The following NALF1 variants were observed in gnomAD, a reference collection of about 807,000 sequenced individuals.
NALF1 encodes the protein family with sequence similarity 155 member A.
In NALF1, 3 loss-of-function variants were observed where a neutral mutation model predicts 48.4. That is an observed-to-expected ratio of 0.06 (90% CI 0.03 to 0.16). The LOEUF is 0.16. NALF1 is among the 10% of genes least tolerant of loss of function. The pLI, the probability that NALF1 is intolerant of heterozygous loss-of-function variation, is 1.00. For missense variants in NALF1, 526 were observed against 571.5 expected (o/e 0.92, Z 0.81); for synonymous variants, 262 against 245.7 (o/e 1.07, Z -0.62).
chr13:107,707,015 C>G (rs1427404900), intron 1 of NALF1, among the ~76,000 whole-genome samples: 2 of 146,766 alleles, frequency 1.4e-5, no homozygotes, highest in Non-Finnish European at 3.0e-5. Flanking sequence ...CTCCGCCTCC[C>G]GGGTTCACGC....
At chr13:107,319,646 A>G (rs776791106) in intron 1 of NALF1, among the ~76,000 whole-genome samples, 4 of 152,146 alleles carry the variant, frequency 2.6e-5, no homozygotes, top group Non-Finnish European at 5.9e-5. Context: ...ACAACTATAT[A>G]AGGTAGGTTC....
intron 1 of NALF1, among the ~76,000 whole-genome samples, chr13:107,374,263 A>G (rs1260684079): frequency 6.6e-6 from 1 of 152,084 alleles, no homozygotes; most frequent in African/African-American, 2.4e-5. Context: ...TCATCCCTCT[A>G]AGGTATGTGA....
rs1195188562 is a variant in NALF1 at position 107,865,808 on chromosome 13, C to A, written c.789G>T (p.Gln263His). ...KEGGEMTTCR[Q>H]CVEAYQDYDH... ...CATAGTCCTGGTAAGCCTCGACGCA[C>A]TGCCTGCAAGTGGTCATCTCGCCGC... Residue 263 changes from glutamine to histidine, a missense_variant, in exon 1 of 3, where the codon CAG becomes CAT. This residue lies in a region of NALF1 where 373 missense variants were observed against 355.5 expected (regional missense o/e 1.05). Transcript: ENST00000375915. 3 of 1,614,072 alleles carry A rather than the reference C, an allele frequency of 1.9e-6. No individual in the cohort carries two copies. The highest frequency in any genetic ancestry group is 2.7e-5 in the African/African-American group (2 of 74,934).
chr13:107,608,675 T>A (rs922484883), intron 1 of NALF1, among the ~76,000 whole-genome samples: 7 of 152,160 alleles, frequency 4.6e-5, no homozygotes, highest in Admixed American at 4.6e-4. Flanking sequence ...ATGTCGAATA[T>A]AATTAAGCAA....
At position 107,167,146 on chromosome 13, in the gene NALF1, A is replaced by G. The variant is rs548118688; in HGVS notation, c.*3351T>C. 1 of 152,312 alleles carries G rather than the reference A, an allele frequency of 6.6e-6. No homozygotes were observed. The highest frequency in any genetic ancestry group is 1.5e-5 in the Non-Finnish European group (1 of 68,030). 9.4% of individuals were successfully genotyped at this position (152,312 alleles called of 1,614,324 possible). ...AAAAGAATAATAAACAGGGAAATCT[A>G]TGCCATACATTTATGAAACAAATAT... On this transcript the variant is annotated 3_prime_UTR_variant, in exon 3 of 3. Coordinates refer to ENST00000375915, the MANE Select transcript of NALF1 (RefSeq NM_001080396.3).
intron 1 of NALF1, among the ~76,000 whole-genome samples, chr13:107,798,343 T>C (rs1355145038): frequency 6.6e-6 from 1 of 152,212 alleles, no homozygotes; most frequent in Non-Finnish European, 1.5e-5. Flanking sequence ...TAGAGGTTAA[T>C]ACATTTTCCA....
intron 1 of NALF1, among the ~76,000 whole-genome samples, chr13:107,663,088 A>G (rs1249726437): frequency 6.6e-6 from 1 of 152,180 alleles, no homozygotes; most frequent in Non-Finnish European, 1.5e-5. Context: ...TTGGTTGAGT[A>G]ATTTCTTTTC....
chr13:107,250,460 T>C (rs1015053706), intron 1 of NALF1, among the ~76,000 whole-genome samples: 7 of 152,194 alleles, frequency 4.6e-5, no homozygotes, highest in Admixed American at 1.3e-4. Flanking sequence ...CAAAAGAAAG[T>C]TGATGATCAT....
At chr13:107,731,709 C>T (rs771485336) in intron 1 of NALF1, among the ~76,000 whole-genome samples, 1 of 152,094 alleles carries the variant, frequency 6.6e-6, no homozygotes, top group Non-Finnish European at 1.5e-5. Flanking sequence ...CAGCTTCATC[C>T]ATGTTCCTGC....
intron 1 of NALF1, among the ~76,000 whole-genome samples, chr13:107,231,204 A>G (rs1274689666): frequency 6.6e-6 from 1 of 152,144 alleles, no homozygotes; most frequent in Admixed American, 6.5e-5. Context: ...TAGGTTTTGT[A>G]AAAATATTTA....
chr13:107,303,292 A>G (rs1026401151), intron 1 of NALF1, among the ~76,000 whole-genome samples: 1 of 152,206 alleles, frequency 6.6e-6, no homozygotes, highest in Non-Finnish European at 1.5e-5. Context: ...TCATCATCAC[A>G]AAACTATAAA....
At chr13:107,832,401 A>G (rs1413613289) in intron 1 of NALF1, among the ~76,000 whole-genome samples, 1 of 152,148 alleles carries the variant, frequency 6.6e-6, no homozygotes, top group Non-Finnish European at 1.5e-5. Context: ...ATACATGCAC[A>G]TTAGTGCTAA....
At chr13:107,848,070 T>C (rs1231520021) in intron 1 of NALF1, among the ~76,000 whole-genome samples, 2 of 152,240 alleles carry the variant, frequency 1.3e-5, no homozygotes, top group African/African-American at 2.4e-5. Flanking sequence ...AGAAAACTAA[T>C]TCATGCTTTC....
At chr13:107,865,370 T>C (rs183640862) in intron 1 of NALF1, among the ~76,000 whole-genome samples, 1 of 152,282 alleles carries the variant, frequency 6.6e-6, no homozygotes, top group Non-Finnish European at 1.5e-5. Flanking sequence ...AACTTCCTTT[T>C]CTTAAAAGAT....
At chr13:107,640,744 GT>G (rs1346508794) in intron 1 of NALF1, among the ~76,000 whole-genome samples, 1 of 152,090 alleles carries the variant, frequency 6.6e-6, no homozygotes, top group Admixed American at 6.6e-5. Context: ...TTTGGTATTT[GT>G]GTTATATCAC....
At chr13:107,176,436 A>T (rs1431254253) in intron 2 of NALF1, among the ~76,000 whole-genome samples, 3 of 150,854 alleles carry the variant, frequency 2.0e-5, no homozygotes, top group Non-Finnish European at 4.4e-5. Context: ...AGGTCAGGAG[A>T]TCGAGACCAT....
At chr13:107,824,270 T>C (rs1193288925) in intron 1 of NALF1, among the ~76,000 whole-genome samples, 1 of 152,146 alleles carries the variant, frequency 6.6e-6, no homozygotes, top group Non-Finnish European at 1.5e-5. Flanking sequence ...CACTAAATTG[T>C]CTGATTGTTA....
chr13:107,199,974 G>A (rs186059757), intron 2 of NALF1, among the ~76,000 whole-genome samples: 25 of 149,932 alleles, frequency 1.7e-4, no homozygotes, highest in African/African-American at 5.3e-4. Context: ...CTCAAAGGAC[G>A]GAGTTGCTAC....
chr13:107,768,115 T>G (rs899083775), intron 1 of NALF1, among the ~76,000 whole-genome samples: 3 of 152,170 alleles, frequency 2.0e-5, no homozygotes, highest in African/African-American at 7.2e-5. Flanking sequence ...CGTCTGAGGC[T>G]CAGCTTCCTT....
Sources: gnomAD v4.1 joint callset for allele counts (sites outside exome capture counted in the v4.1 genomes callset) on GRCh38, gnomAD v4.1.1 for gene constraint, gnomAD v4.1.1 regional missense constraint, MANE v1.5 for transcripts, NCBI Gene and HGNC (gene_info 2026-07-23, HGNC 2026-07-21) for gene names.